PDE3A: variants seen among roughly 807,000 people sequenced by gnomAD.
The protein encoded by PDE3A is phosphodiesterase 3A, also known as cGMP-inhibited 3',5'-cyclic phosphodiesterase 3A.
In PDE3A, 43 loss-of-function variants were observed where a neutral mutation model predicts 98.3. That is an observed-to-expected ratio of 0.44 (90% confidence interval 0.34 to 0.56). PDE3A has a LOEUF of 0.56. PDE3A is among the 20% of genes least tolerant of loss of function. The pLI, the probability that PDE3A is intolerant of heterozygous loss-of-function variation, is 0.01. For synonymous variants in PDE3A, 663 were observed against 567.9 expected (o/e 1.17, Z -2.38); for missense variants, 1,427 against 1,440.7 (o/e 0.99, Z 0.15).
At chr12:20,432,446 T>C (rs990829582) in intron 1 of PDE3A, among the ~76,000 whole-genome samples, 5 of 152,146 alleles carry the variant, frequency 3.3e-5, no homozygotes, top group Admixed American at 2.6e-4. Context: ...GTAGATTTTA[T>C]GTTGTGTTCT....
intron 1 of PDE3A, among the ~76,000 whole-genome samples, chr12:20,549,343 G>A (rs1056023255): frequency 6.7e-6 from 1 of 149,104 alleles, no homozygotes; most frequent in Non-Finnish European, 1.5e-5. Context: ...TCGTGGGAAG[G>A]AATAAAGCTC....
Position 20,685,769 on chromosome 12 carries a change from C to T in PDE3A, c.*5498C>T, listed in dbSNP as rs994625594. Among the ~76,000 whole-genome samples, 2 of 152,066 alleles carry T rather than the reference C, an allele frequency of 1.3e-5. No individual in the cohort carries two copies. Among genetic ancestry groups the T allele is most frequent in the Non-Finnish European group, 2.9e-5 (2 of 68,010 alleles). On this transcript the variant is annotated 3_prime_UTR_variant, in exon 16 of 16. Coordinates refer to ENST00000359062, the MANE Select transcript of PDE3A (RefSeq NM_000921.5). Reference sequence around the variant, plus strand: ...GCACAGAAGAAAAGCCTTCTCTTTACAGATAAAAAATGTTGAACATGTTCA... The same window carrying T: ...GCACAGAAGAAAAGCCTTCTCTTTATAGATAAAAAATGTTGAACATGTTCA...
chr12:20,610,987 T>G (rs1943834695), intron 2 of PDE3A, among the ~76,000 whole-genome samples: 1 of 151,904 alleles, frequency 6.6e-6, no homozygotes, highest in Admixed American at 6.6e-5. Context: ...TACATGAGGA[T>G]TACAGTTAAC....
At chr12:20,432,195 T>C (rs1193534697) in intron 1 of PDE3A, among the ~76,000 whole-genome samples, 3 of 152,230 alleles carry the variant, frequency 2.0e-5, no homozygotes, top group Non-Finnish European at 4.4e-5. Context: ...TAGATACTCT[T>C]TTCAATGATG....
At chr12:20,494,724 G>A (rs547996626) in intron 1 of PDE3A, among the ~76,000 whole-genome samples, 1 of 152,088 alleles carries the variant, frequency 6.6e-6, no homozygotes, top group Non-Finnish European at 1.5e-5. Context: ...AATTGGAGTG[G>A]AAAGTAATAC....
chr12:20,611,413 T>C (rs1020394740), intron 2 of PDE3A, among the ~76,000 whole-genome samples: 21 of 149,312 alleles, frequency 1.4e-4, no homozygotes, highest in African/African-American at 4.9e-4. Flanking sequence ...ATTAAGATTT[T>C]CTGTTTTTGT....
chr12:20,569,450 C>A (rs1426707429), intron 2 of PDE3A, among the ~76,000 whole-genome samples: 1 of 152,028 alleles, frequency 6.6e-6, no homozygotes, highest in African/African-American at 2.4e-5. Context: ...TCTTTCATAA[C>A]CTTGTAAGGA....
intron 1 of PDE3A, among the ~76,000 whole-genome samples, chr12:20,500,427 ATTATCT>A (rs1168576822): frequency 6.6e-6 from 1 of 152,174 alleles, no homozygotes; most frequent in African/African-American, 2.4e-5. Flanking sequence ...GAAAAAGATG[ATTATCT>A]TTATACTCTG....
rs1942235284 is a variant in PDE3A at position 20,552,357 on chromosome 12, G to A, written c.961-4303G>A. ...AGGGGAAGTCCGGGTTTCTCGTGTG[G>A]CGCTACCTTCTGCGGAGGGACGATG... is the stretch of plus-strand genomic sequence containing the variant. On this transcript the variant is annotated intron_variant, in intron 1 of 15. Coordinates refer to ENST00000359062, the MANE Select transcript of PDE3A (RefSeq NM_000921.5). The surrounding 1 kb of genome is among the most constrained non-coding windows in gnomAD (Gnocchi z 5.1). 1 of 1,613,776 alleles carries A rather than the reference G, an allele frequency of 6.2e-7. No individual in the cohort carries two copies. The highest frequency in any genetic ancestry group is 1.3e-5 in the African/African-American group (1 of 74,930).
In PDE3A at chr12:20,418,551, G is replaced by T. The variant is rs368576750; in HGVS notation, c.960+48307G>T. 3.4e-4 allele frequency among the ~76,000 whole-genome samples: 52 copies of T among 152,220 alleles called. 2 individuals are homozygous for T. The South Asian group carries it at 8.9e-3, about 26-fold the overall frequency. On this transcript the variant is annotated intron_variant, in intron 1 of 15. Transcript: ENST00000359062. ...ATTTAATGTGGTTATATTTTTAAAA[G>T]GTGGTTTTTAAAGGCTTTCTTTTTT...
chr12:20,589,060 G>C (rs920728232), intron 2 of PDE3A, among the ~76,000 whole-genome samples: 2 of 151,890 alleles, frequency 1.3e-5, no homozygotes, highest in Non-Finnish European at 2.9e-5. Context: ...GTAGCTGGGA[G>C]TACAGGCGCC....
intron 5 of PDE3A, among the ~76,000 whole-genome samples, chr12:20,622,581 A>G (rs1944163146): frequency 6.6e-6 from 1 of 152,134 alleles, no homozygotes; most frequent in African/African-American, 2.4e-5. Flanking sequence ...TTGACCTGCT[A>G]ATAAAATTGA....
intron 14 of PDE3A, among the ~76,000 whole-genome samples, chr12:20,651,741 G>C (rs1944922686): frequency 6.8e-6 from 1 of 147,452 alleles, no homozygotes; most frequent in Non-Finnish European, 1.5e-5. Context: ...GGTTACTATA[G>C]GTAGGATTCA....
At chr12:20,419,732 T>C (rs1944479932) in intron 1 of PDE3A, among the ~76,000 whole-genome samples, 1 of 84,354 alleles carries the variant, frequency 1.2e-5, no homozygotes, top group Non-Finnish European at 2.3e-5. Flanking sequence ...TTAAATTTAA[T>C]ATTGTATTTT....
intron 2 of PDE3A, among the ~76,000 whole-genome samples, chr12:20,600,923 G>A (rs1943577564): frequency 6.6e-6 from 1 of 152,122 alleles, no homozygotes; most frequent in African/African-American, 2.4e-5. Flanking sequence ...GTCTTTTAAG[G>A]TACAGAATTG....
intron 1 of PDE3A, among the ~76,000 whole-genome samples, chr12:20,446,096 G>A (rs1025280006): frequency 7.2e-5 from 11 of 151,992 alleles, no homozygotes; most frequent in South Asian, 2.1e-4. Flanking sequence ...TTTTCCCTTC[G>A]CCCTTTCTCC....
chr12:20,392,506 C>CATAAATAAATAAATAA (rs549745332), intron 1 of PDE3A, among the ~76,000 whole-genome samples: 1 of 115,024 alleles, frequency 8.7e-6, no homozygotes, highest in Non-Finnish European at 1.9e-5. Flanking sequence ...GATCCTGTCT[C>CATAAATAAATAAATAA]ATAAATAAAT....
chr12:20,435,645 G>T (rs1004657226), intron 1 of PDE3A, among the ~76,000 whole-genome samples: 3 of 152,116 alleles, frequency 2.0e-5, no homozygotes, highest in African/African-American at 7.2e-5. Context: ...CCATGCGTAA[G>T]TCGCTTACCT....
intron 6 of PDE3A, among the ~76,000 whole-genome samples, chr12:20,632,536 C>G (rs1944404440): frequency 6.6e-6 from 1 of 152,196 alleles, no homozygotes; most frequent in Admixed American, 6.5e-5. Flanking sequence ...CATGAAGTTT[C>G]TAAACAAGAC....
Sources: allele counts gnomAD v4.1 joint callset (sites outside exome capture counted in the v4.1 genomes callset), GRCh38; gene constraint gnomAD v4.1.1; non-coding constraint Gnocchi (gnomAD v3.1); transcripts MANE v1.5; gene names NCBI Gene and HGNC (gene_info 2026-07-23, HGNC 2026-07-21).